PECAM1: variants seen among roughly 807,000 people sequenced by gnomAD.
PECAM1 encodes the protein platelet and endothelial cell adhesion molecule 1, also known as platelet endothelial cell adhesion molecule.
PECAM1 carries 8 observed loss-of-function variants against 13.8 expected under a neutral mutation model. That is an observed-to-expected ratio of 0.58 (90% CI 0.34 to 1.05). PECAM1 has a LOEUF of 1.05. Ranked by LOEUF, PECAM1 falls within the 50% of genes least tolerant of loss-of-function variation. PECAM1 has a pLI of 0.03. For synonymous variants in PECAM1, 136 were observed against 52.6 expected (o/e 2.58, Z -6.86); for missense variants, 304 against 141.2 (o/e 2.15, Z -5.84).
chr17:64,384,412 C>T, intron 2 of PECAM1, among the ~76,000 whole-genome samples: 1 of 152,100 alleles, frequency 6.6e-6, no homozygotes, highest in Non-Finnish European at 1.5e-5. Flanking sequence ...TGGTCCTTGC[C>T]CTCTGCTCAT....
chr17:64,329,899 C>T (rs782446463), intron 14 of PECAM1, among the ~76,000 whole-genome samples, 177 bp from the exon 15 acceptor site: 22 of 152,136 alleles, frequency 1.4e-4, no homozygotes, highest in Non-Finnish European at 2.6e-4. Flanking sequence ...ACAGCTTCCC[C>T]GGGACCCTCT....
rs2034782646 is a variant in PECAM1 at position 64,319,537 on chromosome 17, G to GCAA, written c.*4278_*4279insTTG. On this transcript the variant is annotated 3_prime_UTR_variant, in exon 16 of 16. Coordinates refer to ENST00000563924, the MANE Select transcript of PECAM1 (RefSeq NM_000442.5). ...GTGCCCTGCCTGACCCTTAACTTGG[G>GCAA]GTTTTATGTATTTGGCATAGTTCTG... The GCAA allele has an allele frequency of 6.6e-6, 1 of 152,044 alleles. No homozygotes were observed. Among genetic ancestry groups the GCAA allele is most frequent in the Non-Finnish European group, 1.5e-5 (1 of 67,998 alleles). 9.4% of individuals were successfully genotyped at this position (152,044 alleles called of 1,614,324 possible).
At chr17:64,375,572 A>G (rs1052083275) in intron 3 of PECAM1, among the ~76,000 whole-genome samples, 1 of 152,054 alleles carries the variant, frequency 6.6e-6, no homozygotes, top group Non-Finnish European at 1.5e-5. Context: ...TGAAATATAT[A>G]AAATCTGGAG....
intron 4 of PECAM1, among the ~76,000 whole-genome samples, chr17:64,371,096 A>G (rs1051973625): frequency 2.0e-5 from 3 of 152,238 alleles, no homozygotes; most frequent in South Asian, 2.1e-4. Context: ...CACCCAAATC[A>G]CCTCCAGATG....
At chr17:64,333,966 G>C (rs1360383492) in intron 14 of PECAM1, among the ~76,000 whole-genome samples, 1 of 86,566 alleles carries the variant, frequency 1.2e-5, no homozygotes, top group Non-Finnish European at 2.6e-5. Context: ...AAAAAAAAAA[G>C]GTGGAAAAAA....
intron 6 of PECAM1, among the ~76,000 whole-genome samples, chr17:64,362,372 G>A (rs1485169760): frequency 2.0e-5 from 3 of 152,174 alleles, no homozygotes; most frequent in Admixed American, 6.5e-5. Context: ...ATTCTTGGCC[G>A]GGTGTGGTGG....
chr17:64,361,753 C>CAAAAAAAAAAAAAA (rs61144320), intron 6 of PECAM1, among the ~76,000 whole-genome samples: 16 of 68,108 alleles, frequency 2.3e-4, no homozygotes, highest in East Asian at 1.0e-3. Context: ...AACTCCATCT[C>CAAAAAAAAAAAAAA]AAAAAAAAAA....
intron 2 of PECAM1, among the ~76,000 whole-genome samples, chr17:64,388,945 G>C (rs1283106227): frequency 6.6e-6 from 1 of 152,192 alleles, no homozygotes; most frequent in Non-Finnish European, 1.5e-5. Context: ...TGGGATTACA[G>C]GTGTGAGCCA....
Position 64,360,582 on chromosome 17 carries a change from C to CTGTGTGTGTGTGTGTG in PECAM1, c.1217-183_1217-168dup, listed in dbSNP as rs10589772. On this transcript the variant is annotated intron_variant, in intron 6 of 15. Coordinates refer to ENST00000563924, the MANE Select transcript of PECAM1 (RefSeq NM_000442.5). ...ATAGGACACCTATGAGACTGACAGGCTGTGTGTGTGTGTGTGTGTGTGTGT... is the reference window on the plus strand; with the variant it reads ...ATAGGACACCTATGAGACTGACAGGCTGTGTGTGTGTGTGTGTGTGTGTGTGTGTGTGTGTGTGTGT... 3.2e-4 allele frequency among the ~76,000 whole-genome samples: 44 copies of CTGTGTGTGTGTGTGTG among 139,476 alleles called. No individual in the cohort carries two copies. In the East Asian group the frequency reaches 3.9e-3, roughly 12 times the overall value. The allele number at this position is 139,476 out of a possible 152,430, so 91.5% of individuals were successfully genotyped here.
intron 15 of PECAM1, among the ~76,000 whole-genome samples, chr17:64,327,092 G>A (rs9303470): frequency 0.53 from 80,855 of 152,092 alleles, 21,629 homozygotes; most frequent in East Asian, 0.69. Context: ...GGGAAGTCAA[G>A]TGTTAATGTG....
chr17:64,368,720 G>A lies in PECAM1; in HGVS notation c.967+1030C>T, dbSNP rs1399095127. 2.0e-5 allele frequency among the ~76,000 whole-genome samples: 3 copies of A among 151,396 alleles called. No homozygotes were observed. The South Asian group carries it at 6.3e-4, about 32-fold the overall frequency. ...CAAAAAGTTAGCAGGGCATGGTGGC[G>A]CATGCACCTGTAATCCCAGCTACTC... On this transcript the variant is annotated intron_variant, in intron 5 of 15. Transcript: ENST00000563924.
intron 14 of PECAM1, among the ~76,000 whole-genome samples, chr17:64,337,171 T>G (rs1361946881): frequency 6.6e-6 from 1 of 151,994 alleles, no homozygotes; most frequent in Non-Finnish European, 1.5e-5. Context: ...GGCTACAGCC[T>G]GTGCAAGAAC....
At chr17:64,326,325 G>A (rs1205957416) in intron 15 of PECAM1, among the ~76,000 whole-genome samples, 1 of 152,234 alleles carries the variant, frequency 6.6e-6, no homozygotes, top group African/African-American at 2.4e-5. Context: ...AGCCTGGCTG[G>A]CTTCCTGAGG....
In PECAM1 at chr17:64,322,993, C is replaced by A; in HGVS notation, c.*823G>T. ...AAGTGCTGGGATTACAGGCGTGAGC[C>A]ACCTTGCCTGCCCTGGCAAGGAATA... On this transcript the variant is annotated 3_prime_UTR_variant, in exon 16 of 16. Transcript: ENST00000563924. 1 of 961,850 alleles carries A rather than the reference C, an allele frequency of 1.0e-6. No individual in the cohort carries two copies. Among genetic ancestry groups the A allele is most frequent in the South Asian group, 4.8e-5 (1 of 20,802 alleles). The allele number at this position is 961,850 out of a possible 1,614,324, so 59.6% of individuals were successfully genotyped here.
intron 11 of PECAM1, among the ~76,000 whole-genome samples, chr17:64,350,658 T>C (rs2035700753): frequency 7.0e-6 from 1 of 143,758 alleles, no homozygotes; most frequent in African/African-American, 2.5e-5. Context: ...TTTTTTTTTT[T>C]TGAGGCAATG....
chr17:64,382,763 G>A (rs975108641), intron 2 of PECAM1, among the ~76,000 whole-genome samples: 5 of 151,632 alleles, frequency 3.3e-5, no homozygotes, highest in East Asian at 1.9e-4. Context: ...AAGGCTGGGC[G>A]TGGTGGCTCA....
chr17:64,329,876 TC>T (rs775232622), intron 14 of PECAM1, among the ~76,000 whole-genome samples, 154 bp from the exon 15 acceptor site: 3 of 152,130 alleles, frequency 2.0e-5, no homozygotes, highest in Non-Finnish European at 2.9e-5. Flanking sequence ...GGTTTATGGC[TC>T]CTTTGTGCAA....
chr17:64,353,543 A>C (rs2035780358), intron 9 of PECAM1, 25 bp from the exon 10 acceptor site: 2 of 466,642 alleles, frequency 4.3e-6, no homozygotes, highest in Admixed American at 6.6e-5. Context: ...ACGAAAAACC[A>C]AAGTCAGTAT....
intron 2 of PECAM1, among the ~76,000 whole-genome samples, chr17:64,382,003 G>A (rs28619544): frequency 0.093 from 14,125 of 152,112 alleles, 2,213 homozygotes; most frequent in African/African-American, 0.32. Flanking sequence ...GGGAGACTGA[G>A]GCAGGAGAAC....
Sources: allele counts gnomAD v4.1 joint callset (sites outside exome capture counted in the v4.1 genomes callset), GRCh38; gene constraint gnomAD v4.1.1; transcripts MANE v1.5; gene names NCBI Gene and HGNC (gene_info 2026-07-23, HGNC 2026-07-21).